ERCC8: variants seen among roughly 807,000 people sequenced by gnomAD.
ERCC8 encodes DNA excision repair protein ERCC-8.
ERCC8 carries 52 observed loss-of-function variants against 54.9 expected under a neutral mutation model. The ratio of observed to expected loss-of-function variants is 0.95; its 90% CI spans 0.76 to 1.19. The LOEUF is 1.19. Among genes scored for constraint, ERCC8 ranks in the 50% most tolerant of loss-of-function variants. The pLI is 0.00. For synonymous variants in ERCC8, 146 were observed against 157.2 expected (o/e 0.93, Z 0.53); for missense variants, 514 against 466.1 (o/e 1.10, Z -0.95).
At chr5:60,919,762 T>C (rs747430346) in intron 3 of ERCC8, among the ~76,000 whole-genome samples, 9 of 151,972 alleles carry the variant, frequency 5.9e-5, no homozygotes, top group Non-Finnish European at 1.0e-4. Context: ...GTGTGGTAAC[T>C]AAATCAACTT....
chr5:60,937,425 G>A (rs1750099630), intron 1 of ERCC8, among the ~76,000 whole-genome samples: 1 of 152,146 alleles, frequency 6.6e-6, no homozygotes, highest in South Asian at 2.1e-4. Flanking sequence ...GTGGGAGCAG[G>A]GTTAGGCATG....
rs1008003852 is a variant in ERCC8, at chr5:60,906,779, T to TA, written c.400-1907dup. 9.3e-5 allele frequency among the ~76,000 whole-genome samples: 14 copies of TA among 151,030 alleles called. No homozygotes were observed. In the East Asian group the frequency reaches 1.6e-3, roughly 17 times the overall value. ...TAAATAAACAAATACATACATAAAA[T>TA]AAAAAAAATAGAGTATTAACTAAAT... On this transcript the variant is annotated intron_variant, in intron 4 of 11. Transcript: ENST00000676185.
intron 9 of ERCC8, among the ~76,000 whole-genome samples, chr5:60,891,383 AC>A (rs1477800577): frequency 2.0e-5 from 3 of 152,206 alleles, no homozygotes; most frequent in East Asian, 1.9e-4. Context: ...AATTAAAAAA[AC>A]GTAAGACATT....
chr5:60,886,568 G>A (rs1222908502), intron 11 of ERCC8, among the ~76,000 whole-genome samples: 1 of 151,954 alleles, frequency 6.6e-6, no homozygotes, highest in Non-Finnish European at 1.5e-5. Flanking sequence ...CAGGCGTGGT[G>A]GCGGGTACCT....
intron 11 of ERCC8, among the ~76,000 whole-genome samples, chr5:60,882,255 G>T (rs1364645522): frequency 6.6e-6 from 1 of 152,174 alleles, no homozygotes; most frequent in East Asian, 1.9e-4. Flanking sequence ...AGTAGAAAAA[G>T]TTACGTGTTC....
intron 9 of ERCC8, among the ~76,000 whole-genome samples, chr5:60,898,044 A>T (rs756507627): frequency 3.3e-5 from 5 of 152,206 alleles, no homozygotes; most frequent in Non-Finnish European, 5.9e-5. Flanking sequence ...CCCATTGAGA[A>T]CAGTGGCTCA....
intron 11 of ERCC8, among the ~76,000 whole-genome samples, chr5:60,876,015 C>T (rs541748905): frequency 5.2e-4 from 79 of 152,118 alleles, no homozygotes; most frequent in Non-Finnish European, 9.1e-4. Flanking sequence ...TCTCCTAATG[C>T]TATCCCTCCC....
chr5:60,910,209 G>T (rs1404099057), intron 4 of ERCC8, among the ~76,000 whole-genome samples: 1 of 152,056 alleles, frequency 6.6e-6, no homozygotes, highest in Non-Finnish European at 1.5e-5. Context: ...GTCATCAACG[G>T]GTACATTTCT....
intron 9 of ERCC8, among the ~76,000 whole-genome samples, chr5:60,891,443 T>A (rs1045494248): frequency 6.6e-6 from 1 of 152,182 alleles, no homozygotes; most frequent in African/African-American, 2.4e-5. Context: ...ATTTGGCTAT[T>A]CTTTCTAAAA....
intron 8 of ERCC8, among the ~76,000 whole-genome samples, chr5:60,898,823 T>C (rs1172420454): frequency 6.6e-6 from 1 of 150,514 alleles, no homozygotes; most frequent in African/African-American, 2.4e-5. Context: ...AGGATGACTG[T>C]TGTAGTCTCA....
At position 60,882,998 on chromosome 5, in the gene ERCC8, C is replaced by T. The variant is rs557229045; in HGVS notation, c.1122+4442G>A. 3.3e-5 allele frequency among the ~76,000 whole-genome samples: 5 copies of T among 151,668 alleles called. No individual in the cohort carries two copies. The East Asian group carries it at 9.7e-4, about 29-fold the overall frequency. On this transcript the variant is annotated intron_variant, in intron 11 of 11. Transcript: ENST00000676185. Reference sequence around the variant, plus strand: ...ACACACACACACACACACACACACACACACACATGTCTGTAGGTGGATAAG... The same window carrying T: ...ACACACACACACACACACACACACATACACACATGTCTGTAGGTGGATAAG...
At position 60,871,054 on chromosome 5, in the gene ERCC8, CA is replaced by C. The variant is rs1747852757; in HGVS notation, c.*3560del. Among the ~76,000 whole-genome samples the C allele has an allele frequency of 1.3e-5, 2 of 151,946 alleles. No individual in the cohort carries two copies. The highest frequency in any genetic ancestry group is 4.8e-5 in the African/African-American group (2 of 41,362). Reference sequence around the variant, plus strand: ...AGTGGGCACAATATCTATAGACCAACAAAACAAAAGGACTACAACCCAAAAA... The same window carrying C: ...AGTGGGCACAATATCTATAGACCAACAAACAAAAGGACTACAACCCAAAAA... On this transcript the variant is annotated 3_prime_UTR_variant, in exon 12 of 12. Coordinates refer to ENST00000676185, the MANE Select transcript of ERCC8 (RefSeq NM_000082.4).
intron 3 of ERCC8, among the ~76,000 whole-genome samples, chr5:60,921,604 T>C (rs1032908577): frequency 6.6e-6 from 1 of 151,912 alleles, no homozygotes; most frequent in Non-Finnish European, 1.5e-5. Context: ...GGTATATGTG[T>C]ATGTGTGTGT....
At chr5:60,878,313 G>T (rs1017120561) in intron 11 of ERCC8, among the ~76,000 whole-genome samples, 1 of 152,218 alleles carries the variant, frequency 6.6e-6, no homozygotes, top group Non-Finnish European at 1.5e-5. Flanking sequence ...GCTCATCAGA[G>T]ATATTGGTGT....
chr5:60,869,441 T>G lies in ERCC8; in HGVS notation c.*5174A>C, dbSNP rs186276152. On this transcript the variant is annotated 3_prime_UTR_variant, in exon 12 of 12. Coordinates refer to ENST00000676185, the MANE Select transcript of ERCC8 (RefSeq NM_000082.4). ...GAGCTCTACAAACCTATGTGTCTCTTACTGAAGAGCTTCGTTTTGAAATTA... is the reference window on the plus strand; with the variant it reads ...GAGCTCTACAAACCTATGTGTCTCTGACTGAAGAGCTTCGTTTTGAAATTA... 3.2e-4 allele frequency among the ~76,000 whole-genome samples: 48 copies of G among 152,336 alleles called. No homozygotes were observed. Among genetic ancestry groups the G allele is most frequent in the Admixed American group, 3.9e-4 (6 of 15,300 alleles).
intron 9 of ERCC8, chr5:60,893,679 T>TA: frequency 4.1e-6 from 2 of 486,422 alleles, no homozygotes; most frequent in East Asian, 7.5e-5. Flanking sequence ...CTTGTGCTGC[T>TA]AGGCTCCGGA....
At chr5:60,891,878 C>T (rs1244259632) in intron 9 of ERCC8, 7 of 444,784 alleles carry the variant, frequency 1.6e-5, no homozygotes, top group Non-Finnish European at 2.7e-5. Context: ...CTGGTAATCT[C>T]CCGTCCCACT....
At chr5:60,918,104 C>T in intron 4 of ERCC8, 161 bp downstream of exon 4, 2 of 628,318 alleles carry the variant, frequency 3.2e-6, no homozygotes, top group Non-Finnish European at 5.8e-6. Context: ...GTCAGCAGCA[C>T]AGCCAGGATA....
intron 3 of ERCC8, 148 bp from the exon 4 acceptor site, chr5:60,918,536 G>A (rs537929274): frequency 2.1e-5 from 14 of 672,866 alleles, no homozygotes; most frequent in Admixed American, 1.1e-4. Context: ...TGTAGAAGGC[G>A]AGAAAGAATG....
Sources: allele counts gnomAD v4.1 joint callset (sites outside exome capture counted in the v4.1 genomes callset), GRCh38; gene constraint gnomAD v4.1.1; transcripts MANE v1.5; gene names NCBI Gene and HGNC (gene_info 2026-07-23, HGNC 2026-07-21).